Variants in SUSD6 observed in about 807,000 individuals in gnomAD.
SUSD6 encodes sushi domain containing 6.
In SUSD6, 16 loss-of-function variants were observed where a neutral mutation model predicts 28.4. The ratio of observed to expected loss-of-function variants is 0.56; its 90% confidence interval spans 0.38 to 0.86. SUSD6 has a LOEUF of 0.86. Ranked by LOEUF, SUSD6 falls within the 40% of genes least tolerant of loss-of-function variation. The pLI is 0.00. For missense variants in SUSD6, 341 were observed against 384.2 expected, an observed-to-expected ratio of 0.89 and a Z score of 0.94; for synonymous variants, 147 against 159.6, an observed-to-expected ratio of 0.92 and a Z score of 0.59.
At chr14:69,667,806 G>A (rs1159239937) in intron 2 of SUSD6, among the ~76,000 whole-genome samples, 4 of 151,964 alleles carry the variant, frequency 2.6e-5, no homozygotes, top group East Asian at 1.9e-4. Context: ...CACTGCTTTC[G>A]GTTTTATTTC....
chr14:69,671,881 G>T (rs1885838126), intron 2 of SUSD6, among the ~76,000 whole-genome samples: 1 of 152,150 alleles, frequency 6.6e-6, no homozygotes, highest in Non-Finnish European at 1.5e-5. Context: ...TGTTCAACTG[G>T]CTCCTCTCTC....
chr14:69,640,466 C>T (rs145094758), intron 1 of SUSD6, among the ~76,000 whole-genome samples: 253 of 152,106 alleles, frequency 1.7e-3, no homozygotes, highest in African/African-American at 5.8e-3. Flanking sequence ...TCCCGAGTAG[C>T]CAGGACTACA....
intron 2 of SUSD6, among the ~76,000 whole-genome samples, chr14:69,669,062 CTTTTT>C (rs58962166): frequency 1.3e-5 from 1 of 78,006 alleles, no homozygotes; most frequent in African/African-American, 4.7e-5. Context: ...CTTTTCTTTT[CTTTTT>C]TTTTTTTTTT....
intron 1 of SUSD6, among the ~76,000 whole-genome samples, chr14:69,657,093 G>A (rs140358188): frequency 2.8e-4 from 42 of 152,324 alleles, no homozygotes; most frequent in African/African-American, 9.9e-4. Flanking sequence ...GACAACTTAC[G>A]TTGCTGTTTT....
intron 1 of SUSD6, among the ~76,000 whole-genome samples, chr14:69,633,731 T>C (rs960306214): frequency 6.6e-6 from 1 of 152,218 alleles, no homozygotes; most frequent in Non-Finnish European, 1.5e-5. Flanking sequence ...TTGTGTGTTT[T>C]GATTGTTTGC....
chr14:69,644,996 T>C (rs72723884), intron 1 of SUSD6, among the ~76,000 whole-genome samples: 1 of 152,112 alleles, frequency 6.6e-6, no homozygotes, highest in African/African-American at 2.4e-5. Flanking sequence ...AGTTCCTACT[T>C]CTCATTTTTG....
At chr14:69,621,877 T>C (rs946759919) in intron 1 of SUSD6, among the ~76,000 whole-genome samples, 1 of 152,216 alleles carries the variant, frequency 6.6e-6, no homozygotes, top group Non-Finnish European at 1.5e-5. Context: ...GTACAAATGC[T>C]GACATGCTTT....
intron 2 of SUSD6, among the ~76,000 whole-genome samples, chr14:69,694,334 G>A (rs1290824112): frequency 6.6e-6 from 1 of 152,216 alleles, no homozygotes; most frequent in East Asian, 1.9e-4. Context: ...GCATAGTTGT[G>A]ATTAACCTTT....
In SUSD6 at chr14:69,708,998, G is replaced by T; in HGVS notation, c.780G>T (p.Trp260Cys). The change falls in exon 5 of 6, where the codon TGG (tryptophan) becomes TGT (cysteine). Residue 260 changes from tryptophan to cysteine, a missense_variant. Physicochemically the swap from Trp to Cys is radical, Grantham distance 215 (BLOSUM62 -2). Coordinates refer to ENST00000342745, the MANE Select transcript of SUSD6 (RefSeq NM_014734.4). ...TGCATCAGGCAACCACCTCTTCCTG[G>T]GTGGCCGGCTCAGGGAACCGCCAAC... ...VMVHQATTSS[W>C]VAGSGNRQLA... 2 of 1,614,104 alleles carry T rather than the reference G, an allele frequency of 1.2e-6. No homozygotes were observed. Among genetic ancestry groups the T allele is most frequent in the Non-Finnish European group, 1.7e-6 (2 of 1,180,030 alleles).
chr14:69,684,305 T>C (rs1325710385), intron 2 of SUSD6, among the ~76,000 whole-genome samples: 1 of 152,202 alleles, frequency 6.6e-6, no homozygotes, highest in Non-Finnish European at 1.5e-5. Flanking sequence ...TTGGACCCCC[T>C]TAAAGATTTT....
chr14:69,711,450 G>A lies in SUSD6; in HGVS notation c.*471G>A, dbSNP rs777462505. On this transcript the variant is annotated 3_prime_UTR_variant, in exon 6 of 6. Coordinates refer to ENST00000342745, the MANE Select transcript of SUSD6 (RefSeq NM_014734.4). ...GCTGCCCCCTGCCACACAGGGGGCC[G>A]GGCCTGGGTCTGTCCTGTTTCCTTT... 2.4e-5 allele frequency: 4 copies of A among 168,940 alleles called. No homozygotes were observed. Among genetic ancestry groups the A allele is most frequent in the Non-Finnish European group, 3.9e-5 (3 of 77,918 alleles). 10.5% of individuals were successfully genotyped at this position (168,940 alleles called of 1,614,324 possible). A position where few individuals can be genotyped will look rare whatever the true frequency, so the allele number is the denominator to read the frequency against.
intron 1 of SUSD6, among the ~76,000 whole-genome samples, chr14:69,656,020 C>T (rs951114752): frequency 3.3e-5 from 5 of 152,068 alleles, no homozygotes; most frequent in African/African-American, 1.2e-4. Flanking sequence ...CAGCCTCTGC[C>T]AGGAGTAATG....
At chr14:69,691,980 A>ATT (rs1886159626) in intron 2 of SUSD6, among the ~76,000 whole-genome samples, 1 of 150,488 alleles carries the variant, frequency 6.6e-6, no homozygotes, top group Non-Finnish European at 1.5e-5. Context: ...CGGAGGTTGC[A>ATT]GTGAGCTGAG....
intron 2 of SUSD6, among the ~76,000 whole-genome samples, chr14:69,676,024 G>T (rs1885902936): frequency 6.6e-6 from 1 of 152,196 alleles, no homozygotes; most frequent in Non-Finnish European, 1.5e-5. Flanking sequence ...AACCTATTAT[G>T]TATGCATTGG....
chr14:69,619,722 G>A (rs2139590206), intron 1 of SUSD6, among the ~76,000 whole-genome samples: 1 of 152,234 alleles, frequency 6.6e-6, no homozygotes, highest in Middle Eastern at 3.4e-3. Flanking sequence ...AATGAGCTAT[G>A]ATGGTGCCAC....
intron 1 of SUSD6, among the ~76,000 whole-genome samples, chr14:69,650,917 G>C (rs975999098): frequency 6.6e-6 from 1 of 152,222 alleles, no homozygotes; most frequent in African/African-American, 2.4e-5. Flanking sequence ...GGATGGTAGG[G>C]ATCCGTCTTG....
intron 1 of SUSD6, among the ~76,000 whole-genome samples, chr14:69,616,247 T>C (rs1251510451): frequency 3.9e-5 from 6 of 152,252 alleles, no homozygotes; most frequent in African/African-American, 1.4e-4. Context: ...AATAGAGATC[T>C]TTCTCAGCCT....
In SUSD6 at chr14:69,703,447, G is replaced by A. The variant is rs1386333166; in HGVS notation, c.174G>A (p.Arg58=). Residue 58 remains arginine, a synonymous_variant, in exon 3 of 6, where the codon CGG becomes CGA. Transcript: ENST00000342745. ...PENGGYICHP[R]PCRDPLTAGS... ...ATGGTGGCTACATCTGCCACCCCCG[G>A]CCCTGCAGAGACCCCCTGACAGCAG... The A allele has an allele frequency of 6.2e-7, 1 of 1,613,970 alleles. No homozygotes were observed. Among genetic ancestry groups the A allele is most frequent in the African/African-American group, 1.3e-5 (1 of 74,896 alleles).
intron 4 of SUSD6, among the ~76,000 whole-genome samples, chr14:69,707,206 C>G (rs1000192271): frequency 6.6e-6 from 1 of 151,798 alleles, no homozygotes; most frequent in African/African-American, 2.4e-5. Flanking sequence ...TGTATTACAC[C>G]AATGTTAAAT....
Sources: gnomAD v4.1 joint callset for allele counts (sites outside exome capture counted in the v4.1 genomes callset) on GRCh38, gnomAD v4.1.1 for gene constraint, MANE v1.5 for transcripts, NCBI Gene and HGNC (gene_info 2026-07-23, HGNC 2026-07-21) for gene names.